TLE1: variants seen among roughly 807,000 people sequenced by gnomAD.
The protein encoded by TLE1 is transducin-like enhancer protein 1.
Under a neutral mutation model 89.8 loss-of-function variants are expected in TLE1, and 21 were observed. That is an observed-to-expected ratio of 0.23 (90% confidence interval 0.17 to 0.34). The LOEUF (loss-of-function observed/expected upper bound fraction) is 0.34. TLE1 is among the 10% of genes least tolerant of loss of function. The probability of loss-of-function intolerance (pLI) is 1.00; values close to 1 mark genes in which losing one functional copy is unlikely to be tolerated. For missense variants in TLE1, 795 were observed against 1,031.2 expected, an observed-to-expected ratio of 0.77 and a Z score of 3.14; for synonymous variants, 447 against 407.6, an observed-to-expected ratio of 1.10 and a Z score of -1.16.
Position 81,613,367 on chromosome 9 carries a change from G to T in TLE1, c.1063+10C>A. ...AACCAAACAAAGCACAACAAGAGGC[G>T]ATGCTGTACCCGCTTGGTTAACGAG... On this transcript the variant is annotated intron_variant, in intron 12 of 19. Coordinates refer to ENST00000376499, the MANE Select transcript of TLE1 (RefSeq NM_005077.5). The T allele has an allele frequency of 6.2e-7, 1 of 1,612,230 alleles. No homozygotes were observed. Among genetic ancestry groups the T allele is most frequent in the South Asian group, 1.1e-5 (1 of 90,776 alleles).
At chr9:81,648,630 T>C (rs1023100390) in intron 6 of TLE1, among the ~76,000 whole-genome samples, 1 of 152,208 alleles carries the variant, frequency 6.6e-6, no homozygotes, top group Non-Finnish European at 1.5e-5. Context: ...TCAATATCTA[T>C]CAGAGCAGGT....
At chr9:81,616,563 A>G in intron 10 of TLE1, 83 bp downstream of exon 10, 1 of 1,480,224 alleles carries the variant, frequency 6.8e-7, no homozygotes, top group Non-Finnish European at 9.4e-7. Context: ...GAGGGGCTCT[A>G]CTTCCTTCAT....
At chr9:81,646,592 C>G (rs1828892561) in intron 6 of TLE1, among the ~76,000 whole-genome samples, 1 of 152,214 alleles carries the variant, frequency 6.6e-6, no homozygotes, top group African/African-American at 2.4e-5. Flanking sequence ...TCCTCTTAAA[C>G]TTCACACACT....
rs143712659 is a variant in TLE1, at chr9:81,609,749, CTT to C, written c.1331+469_1331+470del. ...AACACAACCTACCCTTCAAATAACT[CTT>C]GTTTCCACCAAAATAAGAAAAAGGT... On this transcript the variant is annotated intron_variant, in intron 14 of 19. Coordinates refer to ENST00000376499, the MANE Select transcript of TLE1 (RefSeq NM_005077.5). 9.9e-3 allele frequency among the ~76,000 whole-genome samples: 1,511 copies of C among 152,278 alleles called. 24 individuals carry two copies. The highest frequency in any genetic ancestry group is 0.034 in the African/African-American group (1,430 of 41,558).
chr9:81,687,818 C>T (rs1332347934), intron 1 of TLE1, among the ~76,000 whole-genome samples: 1 of 152,068 alleles, frequency 6.6e-6, no homozygotes, highest in Non-Finnish European at 1.5e-5. Context: ...CCTTTACGCT[C>T]CCCATTCCCA....
intron 18 of TLE1, among the ~76,000 whole-genome samples, chr9:81,584,965 C>CCCATCCACCCATCCAT (rs1828153435): frequency 6.7e-6 from 1 of 149,378 alleles, no homozygotes; most frequent in Non-Finnish European, 1.5e-5. Context: ...CACTCATCCA[C>CCCATCCACCCATCCAT]CCATCCATCC....
In TLE1 at chr9:81,587,907, C is replaced by CGTGTGTGTGTGT. The variant is rs71496083; in HGVS notation, c.1830-91_1830-80dup. ...CACTGTTGTGTTGTTAGTTTTGGAC[C>CGTGTGTGTGTGT]GTGTGTGTGTGTGTGTGTGTGTGTG... On this transcript the variant is annotated intron_variant, in intron 16 of 19. Coordinates refer to ENST00000376499, the MANE Select transcript of TLE1 (RefSeq NM_005077.5). 21 of 753,924 alleles carry CGTGTGTGTGTGT rather than the reference C, an allele frequency of 2.8e-5. No homozygotes were observed. The Admixed American group carries it at 3.2e-4, about 11-fold the overall frequency. The allele number at this position is 753,924 out of a possible 1,614,324, so 46.7% of individuals were successfully genotyped here. A position where few individuals can be genotyped will look rare whatever the true frequency, so the allele number is the denominator to read the frequency against.
chr9:81,656,204 T>C (rs1450351541), intron 4 of TLE1, among the ~76,000 whole-genome samples: 1 of 152,208 alleles, frequency 6.6e-6, no homozygotes, highest in East Asian at 1.9e-4. Context: ...CCAGTTCATT[T>C]GATCACAGCC....
In TLE1 at chr9:81,616,076, T is replaced by G; in HGVS notation, c.824A>C (p.Lys275Thr). The G allele has an allele frequency of 1.9e-6, 3 of 1,614,186 alleles. No homozygotes were observed. The highest frequency in any genetic ancestry group is 1.7e-4 in the Middle Eastern group (1 of 6,060). Reference sequence around the variant, plus strand: ...AGCATCCTTCTTTAGCAGGCGATTTTTGTCGATTCCATTTTCCCGGGGCGA... The same window carrying G: ...AGCATCCTTCTTTAGCAGGCGATTTGTGTCGATTCCATTTTCCCGGGGCGA... Reference protein sequence around the residue: ...AHSPRENGIDKNRLLKKDASS... With the variant: ...AHSPRENGIDTNRLLKKDASS... Residue 275 changes from lysine to threonine, a missense_variant, in exon 11 of 20, where the codon AAA becomes ACA. Physicochemically the swap from Lys to Thr is moderately conservative, Grantham distance 78. Coordinates refer to ENST00000376499, the MANE Select transcript of TLE1 (RefSeq NM_005077.5).
chr9:81,640,888 T>G (rs941438183), intron 6 of TLE1, among the ~76,000 whole-genome samples: 3 of 152,136 alleles, frequency 2.0e-5, no homozygotes, highest in African/African-American at 7.2e-5. Context: ...GACCGGAAAC[T>G]AAGCTCCTTA....
Position 81,615,081 on chromosome 9 carries a change from C to CAA in TLE1, c.918+899_918+900dup, listed in dbSNP as rs34947337. Among the ~76,000 whole-genome samples the CAA allele has an allele frequency of 1.3e-3, 32 of 25,106 alleles. 4 individuals carry two copies. The highest frequency in any genetic ancestry group is 2.2e-3 in the Admixed American group (3 of 1,386). The allele number at this position is 25,106 out of a possible 152,430, so 16.5% of individuals were successfully genotyped here. ...TGGGTGACAGAGTGAGACTCCATCTCAAAAAAAAAAAAAAAAAAAAAAAAA... is the reference window on the plus strand; with the variant it reads ...TGGGTGACAGAGTGAGACTCCATCTCAAAAAAAAAAAAAAAAAAAAAAAAAAA... On this transcript the variant is annotated intron_variant, in intron 11 of 19. Coordinates refer to ENST00000376499, the MANE Select transcript of TLE1 (RefSeq NM_005077.5).
At chr9:81,644,007 C>T (rs1828502486) in intron 6 of TLE1, among the ~76,000 whole-genome samples, 2 of 151,972 alleles carry the variant, frequency 1.3e-5, no homozygotes, top group African/African-American at 2.4e-5. Context: ...TGTTCAACAT[C>T]ATCAGCCATC....
At chr9:81,674,529 T>C (rs751106595) in intron 4 of TLE1, among the ~76,000 whole-genome samples, 1 of 152,178 alleles carries the variant, frequency 6.6e-6, no homozygotes, top group African/African-American at 2.4e-5. Flanking sequence ...GACAATTCCA[T>C]ACACACAAAG....
intron 10 of TLE1, 88 bp downstream of exon 10, chr9:81,616,558 G>A (rs948012474): frequency 1.4e-6 from 2 of 1,431,256 alleles, no homozygotes; most frequent in Non-Finnish European, 2.0e-6. Context: ...CCACCGAGGG[G>A]CTCTACTTCC....
chr9:81,684,385 A>G (rs1387278209), intron 4 of TLE1, among the ~76,000 whole-genome samples: 2 of 147,496 alleles, frequency 1.4e-5, no homozygotes, highest in East Asian at 2.6e-4. Context: ...GCCCAATTAC[A>G]TTATTAATAA....
At chr9:81,585,758 A>C in intron 17 of TLE1, 103 bp from the exon 18 acceptor site, 1 of 1,432,784 alleles carries the variant, frequency 7.0e-7, no homozygotes, top group Non-Finnish European at 9.4e-7. Flanking sequence ...GGGGGAAGTA[A>C]TCAGCCAAGT....
intron 11 of TLE1, among the ~76,000 whole-genome samples, chr9:81,613,906 C>CTTTTTTTTTTT (rs761514885): frequency 1.1e-5 from 1 of 89,926 alleles, no homozygotes; most frequent in Non-Finnish European, 1.8e-5. Flanking sequence ...CTTTTCTTTT[C>CTTTTTTTTTTT]TTTTTTTTTT....
chr9:81,629,586 G>A (rs1004363083), intron 8 of TLE1, among the ~76,000 whole-genome samples: 1 of 152,226 alleles, frequency 6.6e-6, no homozygotes, highest in Non-Finnish European at 1.5e-5. Flanking sequence ...AAACAACAGG[G>A]ATACTTTGTA....
chr9:81,664,351 C>T (rs1451068448), intron 4 of TLE1, among the ~76,000 whole-genome samples: 1 of 152,136 alleles, frequency 6.6e-6, no homozygotes, highest in Non-Finnish European at 1.5e-5. Context: ...TACTCTCTTT[C>T]CCTTCATAGG....
Sources: allele counts gnomAD v4.1 joint callset (sites outside exome capture counted in the v4.1 genomes callset), GRCh38; gene constraint gnomAD v4.1.1; transcripts MANE v1.5; gene names NCBI Gene and HGNC (gene_info 2026-07-23, HGNC 2026-07-21).